The following VPS13D variants were observed in gnomAD, a reference collection of about 807,000 sequenced individuals.
VPS13D encodes the protein vacuolar protein sorting 13 homolog D.
In VPS13D, 187 loss-of-function variants were observed where a neutral mutation model predicts 461.9. The ratio of observed to expected loss-of-function variants is 0.40; its 90% CI spans 0.36 to 0.46. VPS13D has a LOEUF of 0.46. VPS13D is among the 20% of genes least tolerant of loss of function. The probability of loss-of-function intolerance (pLI) is 0.60; values close to 1 mark genes in which losing one functional copy is unlikely to be tolerated. For synonymous variants in VPS13D, 1,951 were observed against 1,986.3 expected (o/e 0.98, Z 0.47); for missense variants, 4,711 against 5,364.9 (o/e 0.88, Z 3.81).
intron 19 of VPS13D, among the ~76,000 whole-genome samples, chr1:12,278,501 G>A (rs1263346279): frequency 1.3e-5 from 2 of 152,046 alleles, no homozygotes; most frequent in South Asian, 2.1e-4. Flanking sequence ...TCTCGAACTC[G>A]TGACCTCAGG....
intron 65 of VPS13D, 73 bp from the exon 66 acceptor site, chr1:12,455,925 A>T (rs556064461): frequency 1.3e-6 from 2 of 1,494,898 alleles, no homozygotes; most frequent in South Asian, 2.7e-5. Flanking sequence ...ATTTAAATTT[A>T]TTTAAAGTAA....
intron 30 of VPS13D, 107 bp downstream of exon 30, chr1:12,314,434 A>G: frequency 1.9e-6 from 2 of 1,045,994 alleles, no homozygotes; most frequent in Non-Finnish European, 1.4e-6. Flanking sequence ...CACTAGACAG[A>G]TAAATAGATA....
At chr1:12,254,513 CTTTTTTTTTTTTTTT>C (rs1017635589) in intron 7 of VPS13D, among the ~76,000 whole-genome samples, 5 of 78,256 alleles carry the variant, frequency 6.4e-5, no homozygotes, top group East Asian at 4.0e-4. Context: ...AAATCTCAAT[CTTTTTTTTTTTTTTT>C]TTTTTTTTTT....
rs182783063 is a variant in VPS13D, at chr1:12,257,276, T to A, written c.941+189T>A. Among the ~76,000 whole-genome samples, 133 of 152,374 alleles carry A rather than the reference T, an allele frequency of 8.7e-4. 1 individual carries two copies. The highest frequency in any genetic ancestry group is 4.7e-4 in the Non-Finnish European group (32 of 68,028). ...ATATTCTTTCTGTATATTTATTTGG[T>A]GTCATTGGCTTACTCTTAGACTGAG... On this transcript the variant is annotated intron_variant, in intron 9 of 69. Coordinates refer to ENST00000620676, the MANE Select transcript of VPS13D (RefSeq NM_015378.4).
chr1:12,464,056 G>A (rs1645447637), intron 67 of VPS13D, among the ~76,000 whole-genome samples: 1 of 152,326 alleles, frequency 6.6e-6, no homozygotes, highest in Middle Eastern at 3.4e-3. Context: ...TTCAGTGCCA[G>A]TTTGTTCTGA....
chr1:12,287,537 C>T (rs1196429472), intron 21 of VPS13D, among the ~76,000 whole-genome samples: 1 of 152,216 alleles, frequency 6.6e-6, no homozygotes, highest in African/African-American at 2.4e-5. Flanking sequence ...CTCCTTCCTT[C>T]TCTTCCATCA....
chr1:12,382,104 CTCTTT>C (rs920766506), intron 57 of VPS13D, among the ~76,000 whole-genome samples: 28 of 132,312 alleles, frequency 2.1e-4, no homozygotes, highest in Admixed American at 1.0e-3. Context: ...TTTCCTTTTC[CTCTTT>C]TCTTTTCTTT....
At chr1:12,233,215 A>G (rs1289313031) in intron 1 of VPS13D, among the ~76,000 whole-genome samples, 1 of 152,264 alleles carries the variant, frequency 6.6e-6, no homozygotes, top group Non-Finnish European at 1.5e-5. Flanking sequence ...CATGTTGGCC[A>G]GGCTGGGTTT....
chr1:12,379,356 A>G, intron 56 of VPS13D, 132 bp from the exon 57 acceptor site: 1 of 714,666 alleles, frequency 1.4e-6, no homozygotes, highest in Non-Finnish European at 2.2e-6. Context: ...GATTCAAGCT[A>G]ACTACCCATT....
intron 67 of VPS13D, among the ~76,000 whole-genome samples, chr1:12,486,815 C>A (rs1645803554): frequency 6.6e-6 from 1 of 152,248 alleles, no homozygotes; most frequent in Non-Finnish European, 1.5e-5. Context: ...TGCACCCAGT[C>A]CTCAGTCTTG....
chr1:12,399,591 G>A (rs942099014), intron 60 of VPS13D, among the ~76,000 whole-genome samples: 1 of 151,920 alleles, frequency 6.6e-6, no homozygotes, highest in Non-Finnish European at 1.5e-5. Context: ...AGGCCAAGGT[G>A]GGCAGATCAC....
At chr1:12,365,487 C>T (rs553102012) in intron 52 of VPS13D, among the ~76,000 whole-genome samples, 16 of 152,212 alleles carry the variant, frequency 1.1e-4, no homozygotes, top group East Asian at 5.8e-4. Flanking sequence ...GGGCGGATCA[C>T]GAGGTCAGGA....
intron 65 of VPS13D, among the ~76,000 whole-genome samples, chr1:12,442,558 A>G (rs1048823806): frequency 4.6e-5 from 7 of 151,548 alleles, no homozygotes; most frequent in Non-Finnish European, 8.8e-5. Flanking sequence ...AACTTTTGCT[A>G]AGTGATTGTT....
chr1:12,340,323 G>A (rs1468057409), intron 40 of VPS13D, among the ~76,000 whole-genome samples: 1 of 152,110 alleles, frequency 6.6e-6, no homozygotes, highest in Non-Finnish European at 1.5e-5. Flanking sequence ...GGAATACCCT[G>A]GAGACTGCTC....
chr1:12,369,178 C>T (rs922214583), intron 53 of VPS13D, among the ~76,000 whole-genome samples: 4 of 151,778 alleles, frequency 2.6e-5, no homozygotes, highest in African/African-American at 9.7e-5. Flanking sequence ...CTTGGCAAAG[C>T]GTTTAAAGCC....
chr1:12,512,005 A>G lies in VPS13D; in HGVS notation c.*2981A>G, dbSNP rs907184579. The G allele has an allele frequency of 6.6e-6, 1 of 152,124 alleles. No individual in the cohort carries two copies. Among genetic ancestry groups the G allele is most frequent in the Non-Finnish European group, 1.5e-5 (1 of 68,036 alleles). 9.4% of individuals were successfully genotyped at this position (152,124 alleles called of 1,614,324 possible). A position where few individuals can be genotyped will look rare whatever the true frequency, so the allele number is the denominator to read the frequency against. On this transcript the variant is annotated 3_prime_UTR_variant, in exon 70 of 70. Coordinates refer to ENST00000620676, the MANE Select transcript of VPS13D (RefSeq NM_015378.4). ...GTCTGGTTCTCATATCAGAGTCATC[A>G]TTTTTCTTCCTGTGGAATAAAATGC...
chr1:12,440,922 A>G (rs970687863), intron 65 of VPS13D, among the ~76,000 whole-genome samples: 2 of 152,060 alleles, frequency 1.3e-5, no homozygotes, highest in Non-Finnish European at 1.5e-5. Flanking sequence ...GAAGGGAGGA[A>G]AAGATTTTTT....
At chr1:12,466,819 G>A (rs943734064) in intron 67 of VPS13D, among the ~76,000 whole-genome samples, 8 of 152,130 alleles carry the variant, frequency 5.3e-5, no homozygotes, top group South Asian at 2.1e-4. Flanking sequence ...GTTTCATCAC[G>A]AAAAAGGCAT....
chr1:12,242,171 A>C (rs753062134), intron 2 of VPS13D, among the ~76,000 whole-genome samples: 39 of 152,206 alleles, frequency 2.6e-4, no homozygotes, highest in Non-Finnish European at 4.8e-4. Flanking sequence ...TGAACTCTTC[A>C]TCAGCGCCTA....
Sources: gnomAD v4.1 joint callset for allele counts (sites outside exome capture counted in the v4.1 genomes callset) on GRCh38, gnomAD v4.1.1 for gene constraint, MANE v1.5 for transcripts, NCBI Gene and HGNC (gene_info 2026-07-23, HGNC 2026-07-21) for gene names.